Variants in EFR3B observed in about 807,000 individuals in gnomAD.
EFR3B encodes the protein protein EFR3 homolog B.
A neutral mutation model predicts 104.7 loss-of-function variants in EFR3B; 64 were observed. The ratio of observed to expected loss-of-function variants is 0.61; its 90% CI spans 0.50 to 0.75. EFR3B has a LOEUF of 0.75. Ranked by LOEUF, EFR3B falls within the 30% of genes least tolerant of loss-of-function variation. The pLI is 0.00. For synonymous variants in EFR3B, 385 were observed against 417.9 expected (o/e 0.92, Z 0.96); for missense variants, 750 against 1,078.5 (o/e 0.70, Z 4.27).
intron 1 of EFR3B, among the ~76,000 whole-genome samples, chr2:25,090,746 C>T (rs1214189202): frequency 6.6e-6 from 1 of 152,132 alleles, no homozygotes; most frequent in African/African-American, 2.4e-5. Flanking sequence ...ACATAACTTT[C>T]TATAATGGAA....
rs1667595922 is a variant in EFR3B, at chr2:25,042,353, C to T, written c.7+34C>T. The T allele has an allele frequency of 1.6e-6, 2 of 1,255,820 alleles. No individual in the cohort carries two copies. Among genetic ancestry groups the T allele is most frequent in the Admixed American group, 4.3e-5 (1 of 23,440 alleles). 77.8% of individuals were successfully genotyped at this position (1,255,820 alleles called of 1,614,324 possible). ...GGCTCCGCGCCCGGGCCCGGGCCCGCGGGGGCGACTCCGCAAACTTCCCCG... is the reference window on the plus strand; with the variant it reads ...GGCTCCGCGCCCGGGCCCGGGCCCGTGGGGGCGACTCCGCAAACTTCCCCG... On this transcript the variant is annotated intron_variant, in intron 1 of 22. Transcript: ENST00000403714. The surrounding 1 kb of genome is among the most constrained non-coding windows in gnomAD (Gnocchi z 5.4).
chr2:25,069,821 C>T (rs188962116), intron 1 of EFR3B, among the ~76,000 whole-genome samples: 29 of 152,196 alleles, frequency 1.9e-4, no homozygotes, highest in Admixed American at 7.8e-4. Context: ...CTCAGCCTCC[C>T]AAGTAGCTGG....
intron 4 of EFR3B, among the ~76,000 whole-genome samples, chr2:25,115,233 A>G (rs1319650718): frequency 1.3e-5 from 2 of 152,108 alleles, no homozygotes; most frequent in Non-Finnish European, 2.9e-5. Context: ...ACCCCTAGAG[A>G]GTTTGTTCAG....
chr2:25,075,338 A>G (rs1668605650), intron 1 of EFR3B, among the ~76,000 whole-genome samples: 1 of 152,198 alleles, frequency 6.6e-6, no homozygotes, highest in Non-Finnish European at 1.5e-5. Context: ...CTGAAGATTA[A>G]CAATACTAAC....
At chr2:25,070,382 C>T (rs1668461735) in intron 1 of EFR3B, among the ~76,000 whole-genome samples, 1 of 152,202 alleles carries the variant, frequency 6.6e-6, no homozygotes, top group South Asian at 2.1e-4. Context: ...CCACCTCAAT[C>T]TCCTGAGTAG....
At chr2:25,104,782 G>T (rs1048026950) in intron 4 of EFR3B, among the ~76,000 whole-genome samples, 1 of 152,158 alleles carries the variant, frequency 6.6e-6, no homozygotes, top group Non-Finnish European at 1.5e-5. Context: ...ACCTTTTATG[G>T]GCCTCAGTCT....
rs955907178 is a variant in EFR3B at position 25,132,888 on chromosome 2, C to G, written c.1148-15C>G. On this transcript the variant is annotated splice_polypyrimidine_tract_variant and intron_variant, in intron 10 of 22. Coordinates refer to ENST00000403714, the MANE Select transcript of EFR3B (RefSeq NM_014971.2). ...CCTGTGCCTCACTGGGCACCCTCTC[C>G]GCCACCTCCTGCAGGCTCCTTTGCC... 1.9e-6 allele frequency: 3 copies of G among 1,548,808 alleles called. No individual in the cohort carries two copies. The highest frequency in any genetic ancestry group is 8.7e-7 in the Non-Finnish European group (1 of 1,145,962).
chr2:25,046,014 C>T (rs1667705707), intron 1 of EFR3B, among the ~76,000 whole-genome samples: 1 of 152,194 alleles, frequency 6.6e-6, no homozygotes, highest in African/African-American at 2.4e-5. Flanking sequence ...AGTGCTGCCT[C>T]ATCCTCAGCA....
At chr2:25,050,269 G>A (rs1254379706) in intron 1 of EFR3B, among the ~76,000 whole-genome samples, 2 of 152,172 alleles carry the variant, frequency 1.3e-5, no homozygotes, top group African/African-American at 4.8e-5. Context: ...ATCAAGCTGG[G>A]GGCAGCTGTG....
At chr2:25,067,355 G>T (rs1196047710) in intron 1 of EFR3B, among the ~76,000 whole-genome samples, 1 of 151,772 alleles carries the variant, frequency 6.6e-6, no homozygotes, top group Non-Finnish European at 1.5e-5. Context: ...ACACCCCATT[G>T]GTTTGGCCTG....
At position 25,139,039 on chromosome 2, in the gene EFR3B, C is replaced by T; in HGVS notation, c.1723-20C>T. ...GTCTGTCAGTGAAAAACTCCGGAGG[C>T]CTTGTCTATGTTGCCGCAGGACGTG... is the stretch of plus-strand genomic sequence containing the variant. On this transcript the variant is annotated intron_variant, in intron 15 of 22. Coordinates refer to ENST00000403714, the MANE Select transcript of EFR3B (RefSeq NM_014971.2). 4.5e-6 allele frequency: 7 copies of T among 1,551,520 alleles called. No individual in the cohort carries two copies. Among genetic ancestry groups the T allele is most frequent in the Non-Finnish European group, 6.1e-6 (7 of 1,146,882 alleles).
At chr2:25,153,898 C>A (rs1671087915) in intron 22 of EFR3B, 137 bp downstream of exon 22, 6 of 951,852 alleles carry the variant, frequency 6.3e-6, no homozygotes, top group Middle Eastern at 2.1e-4. Flanking sequence ...ATCCCCTGGG[C>A]TGGAGTCAGC....
In EFR3B at chr2:25,123,453, G is replaced by A. The variant is rs149334370; in HGVS notation, c.485+1659G>A. ...CTCCTGGGCAGGGCCCGGTGCAACT[G>A]TGTGGCATTGTCTGGGTTCCCCCAG... On this transcript the variant is annotated intron_variant, in intron 5 of 22. Transcript: ENST00000403714. Among the ~76,000 whole-genome samples, 173 of 152,286 alleles carry A rather than the reference G, an allele frequency of 1.1e-3. 1 individual carries two copies. Among genetic ancestry groups the A allele is most frequent in the African/African-American group, 4.1e-3 (171 of 41,560 alleles).
intron 18 of EFR3B, among the ~76,000 whole-genome samples, chr2:25,144,534 A>G (rs989421391): frequency 1.3e-5 from 2 of 151,524 alleles, no homozygotes; most frequent in African/African-American, 4.9e-5. Flanking sequence ...ACAGAGCAAG[A>G]CTCCGTCTAA....
At position 25,130,484 on chromosome 2, in the gene EFR3B, A is replaced by G. The variant is rs1014879671; in HGVS notation, c.771-68A>G. On this transcript the variant is annotated intron_variant, in intron 7 of 22. Transcript: ENST00000403714. The surrounding 1 kb of genome is among the most constrained non-coding windows in gnomAD (Gnocchi z 4.6). ...CTGAGAAGGTGTCCCTCTGCCTCCA[A>G]GCTAATCTCTTCTCCCTAACACTGC... 2.2e-6 allele frequency: 3 copies of G among 1,369,658 alleles called. No homozygotes were observed. The African/African-American group carries it at 4.3e-5, about 20-fold the overall frequency. The allele number at this position is 1,369,658 out of a possible 1,614,324, so 84.8% of individuals were successfully genotyped here.
intron 1 of EFR3B, chr2:25,081,422 CT>C: frequency 3.7e-6 from 5 of 1,343,178 alleles, no homozygotes; most frequent in South Asian, 1.2e-5. Flanking sequence ...TCTGTACCTA[CT>C]TTTTTGGCAA....
intron 1 of EFR3B, among the ~76,000 whole-genome samples, chr2:25,084,223 T>A (rs1668887267): frequency 6.9e-6 from 1 of 145,130 alleles, no homozygotes; most frequent in African/African-American, 2.8e-5. Context: ...AATTAATTAT[T>A]TTTTTTTTAA....
At chr2:25,102,785 T>C (rs2149190913) in intron 3 of EFR3B, among the ~76,000 whole-genome samples, 1 of 152,264 alleles carries the variant, frequency 6.6e-6, no homozygotes, top group Non-Finnish European at 1.5e-5. Flanking sequence ...GGCTTTAGAC[T>C]TCAGAGGAAT....
chr2:25,124,512 G>T (rs1470226176), intron 5 of EFR3B, among the ~76,000 whole-genome samples: 7 of 151,440 alleles, frequency 4.6e-5, no homozygotes, highest in Non-Finnish European at 1.0e-4. Context: ...GGATCACAAG[G>T]TCAGGAGATT....
Sources: allele counts gnomAD v4.1 joint callset (sites outside exome capture counted in the v4.1 genomes callset), GRCh38; gene constraint gnomAD v4.1.1; non-coding constraint Gnocchi (gnomAD v3.1); transcripts MANE v1.5; gene names NCBI Gene and HGNC (gene_info 2026-07-23, HGNC 2026-07-21).